Variants in BMAL1 observed in about 807,000 individuals in gnomAD.
BMAL1 encodes the protein basic helix-loop-helix ARNT like 1.
the BMAL1 span, among the ~76,000 whole-genome samples, chr11:13,328,279 G>A: frequency 6.6e-6 from 1 of 152,106 alleles, no homozygotes; most frequent in African/African-American, 2.4e-5. Flanking sequence ...TCTCAATTCA[G>A]GTAAGTGTAA....
the BMAL1 span, among the ~76,000 whole-genome samples, chr11:13,327,483 C>T: frequency 9.2e-4 from 140 of 152,146 alleles, no homozygotes; most frequent in African/African-American, 3.3e-3. Flanking sequence ...CTTTCTAGCC[C>T]CTAAGTTTGC....
At chr11:13,382,872 A>C in the BMAL1 span, among the ~76,000 whole-genome samples, 2 of 152,160 alleles carry the variant, frequency 1.3e-5, no homozygotes, top group Non-Finnish European at 2.9e-5. Context: ...AATTCTTTTC[A>C]CATCAACAAC....
At chr11:13,284,862 C>T in the BMAL1 span, among the ~76,000 whole-genome samples, 1 of 152,100 alleles carries the variant, frequency 6.6e-6, no homozygotes, top group Non-Finnish European at 1.5e-5. Flanking sequence ...CTTCCAGGCT[C>T]TCCAGGGTCT....
the BMAL1 span, among the ~76,000 whole-genome samples, chr11:13,338,581 C>T: frequency 6.6e-6 from 1 of 152,172 alleles, no homozygotes; most frequent in Non-Finnish European, 1.5e-5. Flanking sequence ...TATGAGCCTG[C>T]CCTGCCCTCT....
chr11:13,325,549 G>A, the BMAL1 span, among the ~76,000 whole-genome samples: 3 of 151,558 alleles, frequency 2.0e-5, no homozygotes, highest in East Asian at 1.9e-4. Flanking sequence ...TTACAAACAC[G>A]AACAGGAGCC....
the BMAL1 span, among the ~76,000 whole-genome samples, chr11:13,282,200 T>C: frequency 6.2e-3 from 937 of 152,292 alleles, 7 homozygotes; most frequent in African/African-American, 0.021. Flanking sequence ...TGGAGCCAGA[T>C]TTCACATCCT....
chr11:13,311,961 G>A, the BMAL1 span, among the ~76,000 whole-genome samples: 10 of 152,310 alleles, frequency 6.6e-5, 2 homozygotes, highest in African/African-American at 2.4e-4. Flanking sequence ...GGGACTTGAG[G>A]ATAATTCCTC....
the BMAL1 span, among the ~76,000 whole-genome samples, chr11:13,363,023 C>T: frequency 6.6e-6 from 1 of 151,324 alleles, no homozygotes; most frequent in Non-Finnish European, 1.5e-5. Context: ...CTTTTGTGTA[C>T]TTACTAGAGG....
At chr11:13,374,001 C>G in the BMAL1 span, 1 of 1,112,380 alleles carries the variant, frequency 9.0e-7, no homozygotes, top group African/African-American at 1.5e-5. Flanking sequence ...TGACCTTGCT[C>G]TCATAGGCTG....
the BMAL1 span, among the ~76,000 whole-genome samples, chr11:13,342,973 A>T: frequency 6.6e-6 from 1 of 152,334 alleles, no homozygotes; most frequent in Non-Finnish European, 1.5e-5. Flanking sequence ...ATGGGAAGAT[A>T]ATAATGACAC....
At chr11:13,291,626 C>T in the BMAL1 span, among the ~76,000 whole-genome samples, 1 of 152,208 alleles carries the variant, frequency 6.6e-6, no homozygotes, top group Non-Finnish European at 1.5e-5. Flanking sequence ...TGACTTAATT[C>T]ACTCTCTATT....
chr11:13,375,837 G>T, the BMAL1 span: 1 of 1,405,516 alleles, frequency 7.1e-7, no homozygotes, highest in Non-Finnish European at 9.4e-7. Context: ...GGGAAATGGG[G>T]TGCAGGCAAC....
chr11:13,295,974 G>A, the BMAL1 span, among the ~76,000 whole-genome samples: 1 of 152,092 alleles, frequency 6.6e-6, no homozygotes, highest in Non-Finnish European at 1.5e-5. Context: ...TTTTGCCTTG[G>A]TGTTAGCCTT....
the BMAL1 span, among the ~76,000 whole-genome samples, chr11:13,307,624 C>T: frequency 6.6e-6 from 1 of 152,250 alleles, no homozygotes; most frequent in East Asian, 1.9e-4. Flanking sequence ...TGTTGGCAGA[C>T]TCGATGTACC....
At chr11:13,385,818 T>C in the BMAL1 span, 1 of 1,542,250 alleles carries the variant, frequency 6.5e-7, no homozygotes, top group South Asian at 1.1e-5. Flanking sequence ...TTCGTTTCCA[T>C]TGCAATGAGC....
At chr11:13,331,718 T>A in the BMAL1 span, among the ~76,000 whole-genome samples, 3 of 152,212 alleles carry the variant, frequency 2.0e-5, no homozygotes, top group African/African-American at 2.4e-5. Flanking sequence ...CCAATATCAG[T>A]GGACTGGTGC....
chr11:13,284,259 T>C, the BMAL1 span, among the ~76,000 whole-genome samples: 39,337 of 67,484 alleles, frequency 0.58, 12,718 homozygotes, highest in Middle Eastern at 0.67. Flanking sequence ...TATATATATA[T>C]ATATATATTT....
chr11:13,349,805 C>G, the BMAL1 span: 8 of 152,130 alleles, frequency 5.3e-5, no homozygotes, highest in Admixed American at 3.3e-4. Context: ...TAGAGTGTGA[C>G]GAGCTCGCCC....
chr11:13,312,937 A>C, the BMAL1 span, among the ~76,000 whole-genome samples: 1 of 152,236 alleles, frequency 6.6e-6, no homozygotes, highest in Non-Finnish European at 1.5e-5. Context: ...ATGTGACGTC[A>C]GGTATGATCA....
Sources: allele counts gnomAD v4.1 joint callset (sites outside exome capture counted in the v4.1 genomes callset), GRCh38; gene constraint gnomAD v4.1.1; transcripts MANE v1.5; gene names NCBI Gene and HGNC (gene_info 2026-07-23, HGNC 2026-07-21).